The following ERAP2 variants were observed in gnomAD, a reference collection of about 807,000 sequenced individuals.
ERAP2 encodes endoplasmic reticulum aminopeptidase 2.
ERAP2 carries 118 observed loss-of-function variants against 111.1 expected under a neutral mutation model. The observed-to-expected ratio is 1.06, with a 90% CI of 0.92 to 1.24. The LOEUF is 1.24. Ranked by LOEUF, ERAP2 falls within the 50% of genes most tolerant of loss-of-function variation. ERAP2 has a pLI of 0.00. For synonymous variants in ERAP2, 410 were observed against 401.2 expected, an observed-to-expected ratio of 1.02 and a Z score of -0.26; for missense variants, 1,131 against 1,125.8, an observed-to-expected ratio of 1.00 and a Z score of -0.07.
chr5:96,917,539 C>T lies in ERAP2; in HGVS notation c.2817C>T (p.Thr939=). Residue 939 remains threonine (T), a synonymous_variant, in exon 19 of 19, where the codon ACC becomes ACT. Transcript: ENST00000437043. ...DIFQTVLETI[T]KNIKWLEKNL... ...TTCAAACTGTTCTGGAAACGATAACCAAAAATATAAAATGGCTGGAGAAGA... is the reference window on the plus strand; with the variant it reads ...TTCAAACTGTTCTGGAAACGATAACTAAAAATATAAAATGGCTGGAGAAGA... 6.2e-7 allele frequency: 1 copy of T among 1,611,760 alleles called. No homozygotes were observed. The highest frequency in any genetic ancestry group is 8.5e-7 in the Non-Finnish European group (1 of 1,178,616).
chr5:96,878,203 G>A (rs1198238981), intron 1 of ERAP2, among the ~76,000 whole-genome samples: 1 of 143,388 alleles, frequency 7.0e-6, no homozygotes, highest in Non-Finnish European at 1.5e-5. Context: ...TTCAAAAGTA[G>A]TGTAAAGGGA....
At chr5:96,893,030 C>T (rs781179684) in intron 6 of ERAP2, among the ~76,000 whole-genome samples, 8 of 151,964 alleles carry the variant, frequency 5.3e-5, no homozygotes, top group Non-Finnish European at 4.4e-5. Flanking sequence ...GGAAAGTGTG[C>T]GGATCACATA....
chr5:96,903,661 A>G (rs1030822111), intron 13 of ERAP2, 101 bp downstream of exon 13: 1 of 1,073,858 alleles, frequency 9.3e-7, no homozygotes, highest in Middle Eastern at 2.5e-4. Context: ...TTGATTTAAT[A>G]TGGATTTGAA....
chr5:96,878,594 G>A (rs1315438080), intron 1 of ERAP2, among the ~76,000 whole-genome samples: 3 of 152,164 alleles, frequency 2.0e-5, no homozygotes, highest in Admixed American at 6.5e-5. Context: ...AGGAATTTGA[G>A]GCCAGCCTGG....
At chr5:96,914,975 C>T (rs910065154) in intron 17 of ERAP2, among the ~76,000 whole-genome samples, 3 of 151,336 alleles carry the variant, frequency 2.0e-5, no homozygotes, top group African/African-American at 7.3e-5. Context: ...AATTTTTTTA[C>T]CATACCTTAA....
rs1787694618 is a variant in ERAP2 at position 96,918,635 on chromosome 5, C to T, written c.*1030C>T. ...ATAATTCATACCATTTGGTTTAAGCCTTACATTCATGAAGTACCTCAAGGG... is the reference window on the plus strand; with the variant it reads ...ATAATTCATACCATTTGGTTTAAGCTTTACATTCATGAAGTACCTCAAGGG... On this transcript the variant is annotated 3_prime_UTR_variant, in exon 19 of 19. Coordinates refer to ENST00000437043, the MANE Select transcript of ERAP2 (RefSeq NM_022350.5). 6.6e-6 allele frequency: 1 copy of T among 152,054 alleles called. No individual in the cohort carries two copies. The highest frequency in any genetic ancestry group is 1.5e-5 in the Non-Finnish European group (1 of 68,006). 9.4% of individuals were successfully genotyped at this position (152,054 alleles called of 1,614,324 possible). A position where few individuals can be genotyped will look rare whatever the true frequency, so the allele number is the denominator to read the frequency against.
chr5:96,887,347 C>T (rs1783864271), intron 4 of ERAP2, among the ~76,000 whole-genome samples: 1 of 147,520 alleles, frequency 6.8e-6, no homozygotes, highest in African/African-American at 2.5e-5. Context: ...GTTGGCCAGG[C>T]TGGAGTGCAA....
chr5:96,913,790 G>C (rs1787070323), intron 17 of ERAP2, among the ~76,000 whole-genome samples: 1 of 152,200 alleles, frequency 6.6e-6, no homozygotes, highest in Admixed American at 6.5e-5. Flanking sequence ...ATCCCAAGAT[G>C]CCTTGTATAG....
chr5:96,886,615 C>T, intron 3 of ERAP2, 40 bp from the exon 4 acceptor site: 4 of 1,451,374 alleles, frequency 2.8e-6, no homozygotes, highest in Non-Finnish European at 3.7e-6. Flanking sequence ...ATGAAATACT[C>T]CAGTTTTCAA....
intron 1 of ERAP2, 29 bp downstream of exon 1, chr5:96,876,556 G>A (rs998511510): frequency 6.6e-6 from 1 of 152,280 alleles, no homozygotes; most frequent in African/African-American, 2.4e-5. Context: ...TCTTGGGTTT[G>A]TCTTAAAATT....
In ERAP2 at chr5:96,906,370, G is replaced by C. The variant is rs2548528; in HGVS notation, c.2013-2591G>C. 2.6e-3 allele frequency among the ~76,000 whole-genome samples: 396 copies of C among 151,918 alleles called. 2 individuals carry two copies. The highest frequency in any genetic ancestry group is 7.2e-4 in the Non-Finnish European group (49 of 67,946). On this transcript the variant is annotated intron_variant, in intron 13 of 18. Transcript: ENST00000437043. ...CAGCCTCAACCTCCTGGGCTCAAGC[G>C]ATCCTCCCACCTCAGCCTCCTGAGT...
At chr5:96,905,300 G>A (rs908325247) in intron 13 of ERAP2, among the ~76,000 whole-genome samples, 2 of 152,110 alleles carry the variant, frequency 1.3e-5, no homozygotes, top group African/African-American at 2.4e-5. Flanking sequence ...AAATAAGTGC[G>A]AAGGGGAAAC....
intron 4 of ERAP2, among the ~76,000 whole-genome samples, chr5:96,887,044 T>G (rs1783803172): frequency 6.7e-6 from 1 of 148,598 alleles, no homozygotes; most frequent in Non-Finnish European, 1.5e-5. Flanking sequence ...CAGTATTTAC[T>G]TACTATATAT....
chr5:96,887,096 T>TAC (rs1279944901), intron 4 of ERAP2, among the ~76,000 whole-genome samples: 4 of 140,318 alleles, frequency 2.9e-5, no homozygotes, highest in South Asian at 4.4e-4. Flanking sequence ...TATATATATA[T>TAC]ATATACACAC....
intron 2 of ERAP2, 90 bp from the exon 3 acceptor site, chr5:96,883,702 A>G: frequency 7.6e-7 from 1 of 1,311,290 alleles, no homozygotes; most frequent in Non-Finnish European, 1.0e-6. Context: ...TATTACCCCC[A>G]GGTTTGATAA....
chr5:96,882,402 GTTAA>G (rs1043238005), intron 2 of ERAP2, among the ~76,000 whole-genome samples: 4 of 152,120 alleles, frequency 2.6e-5, no homozygotes, highest in African/African-American at 9.7e-5. Context: ...GCTCCTTATG[GTTAA>G]TTAGTCAGTT....
In ERAP2 at chr5:96,900,195, G is replaced by A; in HGVS notation, c.1572+6G>A. ...CCAAGATGACAAGTAACATGGTAAG[G>A]ATAAAGAGAGTCACAGAGTAGAAGA... On this transcript the variant is annotated splice_donor_region_variant and intron_variant, in intron 10 of 18. Coordinates refer to ENST00000437043, the MANE Select transcript of ERAP2 (RefSeq NM_022350.5). 6.2e-7 allele frequency: 1 copy of A among 1,613,536 alleles called. No homozygotes were observed. The highest frequency in any genetic ancestry group is 8.5e-7 in the Non-Finnish European group (1 of 1,179,772).
At position 96,883,775 on chromosome 5, in the gene ERAP2, G is replaced by A; in HGVS notation, c.576-17G>A. ...ATTTCACTTGTGCATTTTGGCTGGG[G>A]GTGGGTCTTTTCACAGAATTCTTGC... On this transcript the variant is annotated splice_polypyrimidine_tract_variant and intron_variant, in intron 2 of 18. Transcript: ENST00000437043. The A allele has an allele frequency of 6.2e-7, 1 of 1,605,960 alleles. No individual in the cohort carries two copies. Among genetic ancestry groups the A allele is most frequent in the Non-Finnish European group, 8.5e-7 (1 of 1,176,810 alleles).
chr5:96,892,458 T>C lies in ERAP2; in HGVS notation c.1125+5T>C. On this transcript the variant is annotated splice_donor_5th_base_variant and intron_variant, in intron 6 of 18. Coordinates refer to ENST00000437043, the MANE Select transcript of ERAP2 (RefSeq NM_022350.5). ...GCCCATGAACTGGCGCACCAGGTACTTGGCACTCATGACATTATCTCGATA... is the reference window on the plus strand; with the variant it reads ...GCCCATGAACTGGCGCACCAGGTACCTGGCACTCATGACATTATCTCGATA... 6.2e-7 allele frequency: 1 copy of C among 1,613,746 alleles called. No homozygotes were observed. The highest frequency in any genetic ancestry group is 8.5e-7 in the Non-Finnish European group (1 of 1,179,750).
Sources: gnomAD v4.1 joint callset for allele counts (sites outside exome capture counted in the v4.1 genomes callset) on GRCh38, gnomAD v4.1.1 for gene constraint, MANE v1.5 for transcripts, NCBI Gene and HGNC (gene_info 2026-07-23, HGNC 2026-07-21) for gene names.